SH3D21: variants seen among roughly 807,000 people sequenced by gnomAD.
SH3D21 encodes SH3 domain-containing protein 21.
A neutral mutation model predicts 82.1 loss-of-function variants in SH3D21; 83 were observed. That is an observed-to-expected ratio of 1.01 (90% confidence interval 0.85 to 1.21). The LOEUF (loss-of-function observed/expected upper bound fraction) is 1.21, where lower values mean the gene tolerates loss of function less well. Among genes scored for constraint, SH3D21 ranks in the 50% most tolerant of loss-of-function variants. The pLI is 0.00. For missense variants in SH3D21, 980 were observed against 962.1 expected (o/e 1.02, Z -0.25); for synonymous variants, 383 against 387.8 (o/e 0.99, Z 0.15).
chr1:36,307,239 A>G lies in SH3D21; in HGVS notation c.299A>G (p.Asp100Gly). 1 of 1,551,834 alleles carries G rather than the reference A, an allele frequency of 6.4e-7. No individual in the cohort carries two copies. Among genetic ancestry groups the G allele is most frequent in the Non-Finnish European group, 8.7e-7 (1 of 1,147,028 alleles). ...VNFSYSPEQA[D>G]ELKLQAGEIV... ...TTCAGCTACAGCCCAGAGCAGGCGG[A>G]CGAGCTGAAGCTGCAAGCTGGGGAG... The change falls in exon 4 of 16, where the codon GAC (aspartate) becomes GGC (glycine). Residue 100 changes from aspartate (D) to glycine (G), a missense_variant. Coordinates refer to ENST00000453908, the MANE Select transcript of SH3D21 (RefSeq NM_001162530.2). The surrounding 1 kb of genome is among the most constrained non-coding windows in gnomAD (Gnocchi z 5.4).
chr1:36,316,377 G>A (rs1429924719), intron 10 of SH3D21, among the ~76,000 whole-genome samples: 1 of 152,214 alleles, frequency 6.6e-6, no homozygotes, highest in Non-Finnish European at 1.5e-5. Flanking sequence ...TGGGATTACA[G>A]GCACGCGCCA....
chr1:36,329,210 A>G (rs796727153), downstream of SH3D21: 22 of 152,360 alleles, frequency 1.4e-4, no homozygotes, highest in African/African-American at 5.3e-4. Context: ...AAGAAATAAA[A>G]GGTAATGATA....
At chr1:36,326,235 T>TTTCTTTCTTTCTTTCTTTC (rs370158086), downstream of SH3D21, among the ~76,000 whole-genome samples, 1 of 130,298 alleles carries the variant, frequency 7.7e-6, no homozygotes. Context: ...TCTTTCTTTC[T>TTTCTTTCTTTCTTTCTTTC]TTTTTTTTTT....
downstream of SH3D21, chr1:36,322,849 G>T: frequency 1.3e-6 from 2 of 1,507,460 alleles, no homozygotes; most frequent in Non-Finnish European, 1.8e-6. Context: ...GGGCATTAGG[G>T]AACCGCCAGC....
chr1:36,325,292 AAAGTGCTGGGATTAC>A (rs1418040369), downstream of SH3D21, among the ~76,000 whole-genome samples: 1 of 152,186 alleles, frequency 6.6e-6, no homozygotes, highest in Non-Finnish European at 1.5e-5. Flanking sequence ...TCAGCCTCCC[AAAGTGCTGGGATTAC>A]AAGTGTGAGC....
chr1:36,319,886 C>A lies in SH3D21; in HGVS notation c.1223C>A (p.Pro408Gln), dbSNP rs1646415392. 6.2e-7 allele frequency: 1 copy of A among 1,613,982 alleles called. No individual in the cohort carries two copies. The highest frequency in any genetic ancestry group is 1.3e-5 in the African/African-American group (1 of 74,916). The change falls in exon 14 of 16, where the codon CCA becomes CAA. Residue 408 changes from proline to glutamine, a missense_variant. Physicochemically the swap from Pro to Gln is moderately conservative, Grantham distance 76. Coordinates refer to ENST00000453908, the MANE Select transcript of SH3D21 (RefSeq NM_001162530.2). ...GGGAACTCCACCTCGGGGAAGATCCCAGCTCCTGACAAAGTCCCCACCCCA... is the reference window on the plus strand; with the variant it reads ...GGGAACTCCACCTCGGGGAAGATCCAAGCTCCTGACAAAGTCCCCACCCCA... ...IPGNSTSGKIPAPDKVPTPEK... is the reference protein window; with the variant it reads ...IPGNSTSGKIQAPDKVPTPEK...
downstream of SH3D21, among the ~76,000 whole-genome samples, chr1:36,329,954 C>T (rs1029737753): frequency 1.3e-5 from 2 of 152,184 alleles, no homozygotes; most frequent in African/African-American, 4.8e-5. Context: ...GGGCTAAAGG[C>T]AACCCCCACT....
downstream of SH3D21, among the ~76,000 whole-genome samples, chr1:36,326,603 GA>G (rs1646548087): frequency 6.6e-6 from 1 of 152,146 alleles, no homozygotes; most frequent in Non-Finnish European, 1.5e-5. Flanking sequence ...ATGGCCCTGT[GA>G]CACATTTTGG....
intron 12 of SH3D21, 24 bp downstream of exon 12, chr1:36,319,336 C>T (rs371416801): frequency 2.3e-5 from 35 of 1,551,216 alleles, no homozygotes; most frequent in African/African-American, 2.2e-4. Flanking sequence ...TCCTCCAGTG[C>T]GGGGAGGACT....
chr1:36,315,875 A>G (rs957852064), intron 10 of SH3D21, among the ~76,000 whole-genome samples: 3 of 152,220 alleles, frequency 2.0e-5, no homozygotes, highest in Non-Finnish European at 2.9e-5. Context: ...AGCAATATAC[A>G]TGTAAATAAG....
At chr1:36,327,521 G>C (rs1168413978), downstream of SH3D21, among the ~76,000 whole-genome samples, 4 of 152,226 alleles carry the variant, frequency 2.6e-5, no homozygotes, top group Non-Finnish European at 5.9e-5. Flanking sequence ...CTGTTTCCAT[G>C]CACCTCTGTG....
chr1:36,315,692 G>C (rs887678179), intron 10 of SH3D21, among the ~76,000 whole-genome samples: 2 of 152,124 alleles, frequency 1.3e-5, no homozygotes, highest in Non-Finnish European at 2.9e-5. Context: ...CTTGTGAAGA[G>C]AGGATTTGTC....
Position 36,307,289 on chromosome 1 carries a change from A to AGG in SH3D21, c.345+7_345+8dup. The AGG allele has an allele frequency of 6.4e-7, 1 of 1,551,682 alleles. No homozygotes were observed. Among genetic ancestry groups the AGG allele is most frequent in the Non-Finnish European group, 8.7e-7 (1 of 1,146,984 alleles). ...GATCGTGGAAATGATAAAGGAGGTG[A>AGG]GGGGTGAGGTGATGGGACCGTTTGG... On this transcript the variant is annotated splice_donor_region_variant and intron_variant, in intron 4 of 15. Transcript: ENST00000453908. This position sits in a 1 kb window ranked among gnomAD's most constrained non-coding sequence, Gnocchi z 5.4.
In SH3D21 at chr1:36,307,386, CG is replaced by C; in HGVS notation, c.345+103del. On this transcript the variant is annotated intron_variant, in intron 4 of 15. Transcript: ENST00000453908. This position sits in a 1 kb window ranked among gnomAD's most constrained non-coding sequence, Gnocchi z 5.4. Reference sequence around the variant, plus strand: ...AGGGTGTGGACGGTGGGAATGGCGACGGTGCAGATACGGGGAAGCGCGGGAG... The same window carrying C: ...AGGGTGTGGACGGTGGGAATGGCGACGTGCAGATACGGGGAAGCGCGGGAG... 1 of 1,513,722 alleles carries C rather than the reference CG, an allele frequency of 6.6e-7. No homozygotes were observed. The allele number at this position is 1,513,722 out of a possible 1,614,324, so 93.8% of individuals were successfully genotyped here.
intron 10 of SH3D21, among the ~76,000 whole-genome samples, 159 bp downstream of exon 10, chr1:36,309,749 T>C (rs532561904): frequency 1.4e-5 from 2 of 139,300 alleles, no homozygotes; most frequent in East Asian, 2.9e-4. Context: ...CGTGAATCAA[T>C]GTGTGGGTCA....
At position 36,320,583 on chromosome 1, in the gene SH3D21, G is replaced by A. The variant is rs1185304433; in HGVS notation, c.1920G>A (p.Val640=). The change falls in exon 14 of 16, where the codon GTG becomes GTA. Residue 640 remains valine (V), a synonymous_variant. Transcript: ENST00000453908. The part of the protein sequence containing the change: ...LKEELPPKEE[V]APKEEVPPIE... ...AGGAATTGCCCCCTAAAGAGGAAGT[G>A]GCTCCAAAAGAGGAGGTGCCCCCCA... The A allele has an allele frequency of 3.1e-6, 5 of 1,614,106 alleles. No individual in the cohort carries two copies. In the African/African-American group the frequency reaches 6.7e-5, roughly 22 times the overall value.
Position 36,319,748 on chromosome 1 carries a change from C to T in SH3D21, c.1085C>T (p.Pro362Leu). ...RTPMPDKTAT[P>L]ERPPAPENAP... The stretch of plus-strand genomic sequence containing the variant: ...CCCATGCCGGACAAGACTGCCACCC[C>T]AGAGAGGCCCCCAGCTCCAGAGAAC... Residue 362 changes from proline (P) to leucine (L), a missense_variant, in exon 14 of 16, where the codon CCA (proline) becomes CTA (leucine). Pro to Leu is a moderately conservative substitution (Grantham distance 98, BLOSUM62 -3). Coordinates refer to ENST00000453908, the MANE Select transcript of SH3D21 (RefSeq NM_001162530.2). 2 of 1,603,076 alleles carry T rather than the reference C, an allele frequency of 1.2e-6. No homozygotes were observed. The highest frequency in any genetic ancestry group is 2.2e-5 in the East Asian group (1 of 44,832).
intron 10 of SH3D21, among the ~76,000 whole-genome samples, chr1:36,314,621 A>C (rs1276405378): frequency 1.3e-5 from 2 of 151,792 alleles, no homozygotes; most frequent in Admixed American, 6.6e-5. Flanking sequence ...ACACCCGGCT[A>C]ATTTTTTGTA....
chr1:36,306,807 A>G lies in SH3D21; in HGVS notation c.163-35A>G. The G allele has an allele frequency of 7.7e-7, 1 of 1,292,690 alleles. No individual in the cohort carries two copies. The allele number at this position is 1,292,690 out of a possible 1,614,324, so 80.1% of individuals were successfully genotyped here. A position where few individuals can be genotyped will look rare whatever the true frequency, so the allele number is the denominator to read the frequency against. ...GGGGTCTCAGCGCGCGCCCCCCGGG[A>G]GCTGAGAGCGCCTTCCCCGTGCCCT... On this transcript the variant is annotated intron_variant, in intron 2 of 15. Transcript: ENST00000453908. The surrounding 1 kb of genome is among the most constrained non-coding windows in gnomAD (Gnocchi z 4.5).
Sources: allele counts gnomAD v4.1 joint callset (sites outside exome capture counted in the v4.1 genomes callset), GRCh38; gene constraint gnomAD v4.1.1; non-coding constraint Gnocchi (gnomAD v3.1); transcripts MANE v1.5; gene names NCBI Gene and HGNC (gene_info 2026-07-23, HGNC 2026-07-21).